Variants in FER observed in about 807,000 individuals in gnomAD.
FER encodes the protein tyrosine-protein kinase Fer.
A neutral mutation model predicts 111.0 loss-of-function variants in FER; 63 were observed. That is an observed-to-expected ratio of 0.57 (90% confidence interval 0.46 to 0.70). FER has a LOEUF of 0.70. Among genes scored for constraint, FER ranks in the 30% least tolerant of loss-of-function variants. FER has a pLI of 0.00. For missense variants in FER, 914 were observed against 954.0 expected, an observed-to-expected ratio of 0.96 and a Z score of 0.55; for synonymous variants, 327 against 313.9, an observed-to-expected ratio of 1.04 and a Z score of -0.44.
At chr5:108,900,624 A>T (rs932327813) in intron 10 of FER, among the ~76,000 whole-genome samples, 1 of 152,228 alleles carries the variant, frequency 6.6e-6, no homozygotes, top group African/African-American at 2.4e-5. Flanking sequence ...ATTTGAGAGC[A>T]GGAGAGACAA....
intron 10 of FER, among the ~76,000 whole-genome samples, chr5:108,921,936 T>C (rs752884979): frequency 4.6e-5 from 7 of 152,230 alleles, no homozygotes; most frequent in Non-Finnish European, 8.8e-5. Flanking sequence ...GTATGTGACC[T>C]ACTTTGGAAA....
intron 5 of FER, among the ~76,000 whole-genome samples, chr5:108,859,390 A>G (rs1303595618): frequency 6.6e-6 from 1 of 151,966 alleles, no homozygotes; most frequent in Non-Finnish European, 1.5e-5. Context: ...AACCCACCCA[A>G]CAGCATTTGG....
At chr5:109,009,140 C>G (rs1444213831) in intron 13 of FER, among the ~76,000 whole-genome samples, 1 of 150,510 alleles carries the variant, frequency 6.6e-6, no homozygotes, top group Non-Finnish European at 1.5e-5. Flanking sequence ...TGCCGCCTCC[C>G]GGGTTTAAGC....
chr5:108,930,993 A>G (rs1194051540), intron 10 of FER, among the ~76,000 whole-genome samples: 1 of 151,804 alleles, frequency 6.6e-6, no homozygotes, highest in Admixed American at 6.6e-5. Flanking sequence ...CTTAAATTAC[A>G]TTATAGATTT....
At chr5:108,848,412 C>G (rs1197102473) in intron 5 of FER, among the ~76,000 whole-genome samples, 1 of 151,960 alleles carries the variant, frequency 6.6e-6, no homozygotes, top group African/African-American at 2.4e-5. Context: ...TGCCTTTATT[C>G]TACCTTTCTC....
intron 6 of FER, 42 bp from the exon 7 acceptor site, chr5:108,871,323 A>C (rs753564187): frequency 3.9e-6 from 6 of 1,555,270 alleles, no homozygotes; most frequent in Non-Finnish European, 5.3e-6. Context: ...ATCTCTCTTG[A>C]TAAAACTTTA....
At chr5:108,846,909 G>C (rs1394647031) in intron 5 of FER, among the ~76,000 whole-genome samples, 1 of 151,962 alleles carries the variant, frequency 6.6e-6, no homozygotes, top group African/African-American at 2.4e-5. Context: ...CTTGTTTCCT[G>C]ATCATTGTGA....
At chr5:109,159,977 TG>T (rs1755826036) in intron 17 of FER, among the ~76,000 whole-genome samples, 1 of 151,074 alleles carries the variant, frequency 6.6e-6, no homozygotes, top group Admixed American at 6.6e-5. Flanking sequence ...CTACATTTGG[TG>T]GGGGTGGGGA....
intron 16 of FER, among the ~76,000 whole-genome samples, chr5:109,073,454 C>T (rs1775988692): frequency 6.6e-6 from 1 of 152,074 alleles, no homozygotes; most frequent in Non-Finnish European, 1.5e-5. Context: ...TAGTGTTAGG[C>T]TGTGAATCAT....
intron 6 of FER, among the ~76,000 whole-genome samples, chr5:108,870,246 C>T (rs1764475096): frequency 6.6e-6 from 1 of 151,988 alleles, no homozygotes; most frequent in Non-Finnish European, 1.5e-5. Flanking sequence ...GGAACAAATA[C>T]CCATTCATAT....
intron 18 of FER, among the ~76,000 whole-genome samples, chr5:109,182,672 C>T (rs1039046734): frequency 1.3e-5 from 2 of 152,180 alleles, no homozygotes; most frequent in Non-Finnish European, 2.9e-5. Context: ...TAAAAGTCCT[C>T]TTACTCTTAA....
chr5:108,915,334 G>T (rs768999551), intron 10 of FER, among the ~76,000 whole-genome samples: 2 of 152,116 alleles, frequency 1.3e-5, no homozygotes, highest in East Asian at 3.9e-4. Context: ...TTAGCCAGGC[G>T]TGGTGGTGTC....
At chr5:108,934,934 T>A (rs1364255365) in intron 10 of FER, among the ~76,000 whole-genome samples, 1 of 152,060 alleles carries the variant, frequency 6.6e-6, no homozygotes, top group East Asian at 1.9e-4. Flanking sequence ...GGAACAGGAT[T>A]GGAAAAAAAG....
At chr5:108,945,420 C>G (rs1248761211) in intron 10 of FER, among the ~76,000 whole-genome samples, 1 of 151,786 alleles carries the variant, frequency 6.6e-6, no homozygotes, top group African/African-American at 2.4e-5. Flanking sequence ...TAAAATGGAT[C>G]TAAAGATTTG....
At chr5:109,163,070 T>A (rs1470793791) in intron 17 of FER, among the ~76,000 whole-genome samples, 1 of 152,112 alleles carries the variant, frequency 6.6e-6, no homozygotes, top group East Asian at 1.9e-4. Context: ...TTTCTAAAAT[T>A]GCATTTACAT....
chr5:108,839,638 C>T (rs1032904724), intron 5 of FER, among the ~76,000 whole-genome samples: 47 of 135,454 alleles, frequency 3.5e-4, no homozygotes, highest in African/African-American at 1.3e-3. Flanking sequence ...AGTGCAGTGG[C>T]GCTGTCTCGG....
At chr5:108,957,429 AT>A (rs1758569566) in intron 12 of FER, among the ~76,000 whole-genome samples, 2 of 151,620 alleles carry the variant, frequency 1.3e-5, no homozygotes, top group South Asian at 4.1e-4. Context: ...TAGAATGGCT[AT>A]TATTAAAAAC....
At position 108,867,779 on chromosome 5, in the gene FER, A is replaced by G; in HGVS notation, c.494A>G (p.Glu165Gly). Residue 165 changes from glutamate (E) to glycine (G), a missense_variant, in exon 6 of 20, where the codon GAA becomes GGA. This residue lies in a region of FER where 774 missense variants were observed against 782.6 expected (regional missense o/e 0.99). Transcript: ENST00000281092. Reference protein sequence around the residue: ...KEALAKGKETEKAKERYDKAT... With the variant: ...KEALAKGKETGKAKERYDKAT... Reference sequence around the variant, plus strand: ...TTTTTTTTTTCAGGGAAGGAAACTGAAAAGGCCAAGGAACGATACGACAAA... The same window carrying G: ...TTTTTTTTTTCAGGGAAGGAAACTGGAAAGGCCAAGGAACGATACGACAAA... 3 of 1,602,892 alleles carry G rather than the reference A, an allele frequency of 1.9e-6. No homozygotes were observed. The South Asian group carries it at 3.4e-5, about 18-fold the overall frequency.
intron 4 of FER, among the ~76,000 whole-genome samples, chr5:108,834,122 T>C (rs1325632248): frequency 6.6e-6 from 1 of 152,108 alleles, no homozygotes; most frequent in East Asian, 1.9e-4. Flanking sequence ...AACTAGGTAA[T>C]TTGCTCTATA....
Sources: gnomAD v4.1 joint callset for allele counts (sites outside exome capture counted in the v4.1 genomes callset) on GRCh38, gnomAD v4.1.1 for gene constraint, gnomAD v4.1.1 regional missense constraint, MANE v1.5 for transcripts, NCBI Gene and HGNC (gene_info 2026-07-23, HGNC 2026-07-21) for gene names.